The following SAMD5 variants were observed in gnomAD, a reference collection of about 807,000 sequenced individuals.
SAMD5 encodes sterile alpha motif domain containing 5, also known as sterile alpha motif domain-containing protein 5.
SAMD5 carries 13 observed loss-of-function variants against 11.3 expected under a neutral mutation model. The observed-to-expected ratio is 1.15, with a 90% confidence interval of 0.75 to 1.83. The LOEUF is 1.83. SAMD5 is among the 40% of genes most tolerant of loss of function. The pLI is 0.00. For synonymous variants in SAMD5, 129 were observed against 111.3 expected, an observed-to-expected ratio of 1.16 and a Z score of -1.00; for missense variants, 255 against 239.1, an observed-to-expected ratio of 1.07 and a Z score of -0.44.
intron 1 of SAMD5, among the ~76,000 whole-genome samples, chr6:147,605,807 G>A (rs963634669): frequency 6.6e-6 from 1 of 152,130 alleles, no homozygotes; most frequent in African/African-American, 2.4e-5. Context: ...TGTGTCTGAT[G>A]ATGGGCAGTG....
intron 1 of SAMD5, among the ~76,000 whole-genome samples, chr6:147,554,756 T>C (rs1204529207): frequency 6.6e-6 from 1 of 152,180 alleles, no homozygotes; most frequent in African/African-American, 2.4e-5. Flanking sequence ...AGCTATCATT[T>C]GAATGGGCAG....
At chr6:147,514,479 G>A (rs908916695) in intron 1 of SAMD5, among the ~76,000 whole-genome samples, 1 of 151,340 alleles carries the variant, frequency 6.6e-6, no homozygotes, top group Admixed American at 6.6e-5. Context: ...ATGATGGAAT[G>A]TATAGGATTC....
rs138462435 is a variant in SAMD5, at chr6:147,645,233, G to A, written c.163-92084G>A. On this transcript the variant is annotated intron_variant, in intron 1 of 1. Transcript: ENST00000566741. ...GCATGTGCAAGGAGGGATGACAATC[G>A]CCACTTGGGGGTCACTGGGCCTGAC... is the stretch of plus-strand genomic sequence containing the variant. Among the ~76,000 whole-genome samples the A allele has an allele frequency of 3.5e-3, 528 of 152,204 alleles. 3 individuals are homozygous for A. The highest frequency in any genetic ancestry group is 0.012 in the African/African-American group (491 of 41,524).
At chr6:147,581,716 G>A (rs956222829) in intron 1 of SAMD5, among the ~76,000 whole-genome samples, 2 of 152,140 alleles carry the variant, frequency 1.3e-5, no homozygotes, top group African/African-American at 2.4e-5. Flanking sequence ...CAGTGAGAAC[G>A]GTGTCAGAAC....
chr6:147,771,302 T>G, the SAMD5 span, among the ~76,000 whole-genome samples: 916 of 152,332 alleles, frequency 6.0e-3, 5 homozygotes, highest in Middle Eastern at 0.041. Flanking sequence ...GCAGTGGGTA[T>G]GCCTGTGATG....
chr6:147,824,592 T>TA, the SAMD5 span, among the ~76,000 whole-genome samples: 4,326 of 152,068 alleles, frequency 0.028, 70 homozygotes, highest in Middle Eastern at 0.051. Flanking sequence ...ATGGCTGGGG[T>TA]AAAAAAAGAG....
At chr6:147,595,355 G>A (rs2128447563) in intron 1 of SAMD5, among the ~76,000 whole-genome samples, 1 of 152,122 alleles carries the variant, frequency 6.6e-6, no homozygotes, top group Non-Finnish European at 1.5e-5. Context: ...CCATTAGTTT[G>A]AAACTTAGAA....
At chr6:147,867,536 A>G in the SAMD5 span, among the ~76,000 whole-genome samples, 9 of 152,126 alleles carry the variant, frequency 5.9e-5, no homozygotes, top group Non-Finnish European at 1.2e-4. Flanking sequence ...AAAAGAAAAA[A>G]AATTAAGTCT....
the SAMD5 span, among the ~76,000 whole-genome samples, chr6:147,760,663 C>A: frequency 6.6e-6 from 1 of 152,146 alleles, no homozygotes; most frequent in Admixed American, 6.5e-5. Context: ...GATTATTTTT[C>A]ACTCTTTACA....
chr6:147,631,710 T>A lies in SAMD5; in HGVS notation c.163-105607T>A, dbSNP rs149842049. Among the ~76,000 whole-genome samples the A allele has an allele frequency of 6.8e-4, 103 of 152,224 alleles. 1 individual carries two copies. Among genetic ancestry groups the A allele is most frequent in the African/African-American group, 2.3e-3 (94 of 41,540 alleles). On this transcript the variant is annotated intron_variant, in intron 1 of 1. Transcript: ENST00000566741. Reference sequence around the variant, plus strand: ...AGTGTCTACCCAGACCAAGAGGTATTTTAGTTTCCTGACTCAGGGCATGTG... The same window carrying A: ...AGTGTCTACCCAGACCAAGAGGTATATTAGTTTCCTGACTCAGGGCATGTG...
chr6:147,885,142 T>C, the SAMD5 span, among the ~76,000 whole-genome samples: 2 of 152,230 alleles, frequency 1.3e-5, no homozygotes, highest in African/African-American at 4.8e-5. Context: ...GTCTCTCAGA[T>C]GGATCCTAAG....
Position 147,565,314 on chromosome 6 carries a change from C to T in SAMD5, c.*858C>T. 1 of 985,838 alleles carries T rather than the reference C, an allele frequency of 1.0e-6. No homozygotes were observed. The highest frequency in any genetic ancestry group is 1.2e-6 in the Non-Finnish European group (1 of 829,950). The allele number at this position is 985,838 out of a possible 1,614,324, so 61.1% of individuals were successfully genotyped here. On this transcript the variant is annotated 3_prime_UTR_variant, in exon 2 of 2. Transcript: ENST00000367474. ...GCTTCTGACTTCAGGCCTGTGGGGG[C>T]CGGGAGGTGGGCAGCGGCAGTGGCC... is the stretch of plus-strand genomic sequence containing the variant.
Position 147,612,501 on chromosome 6 carries a change from C to T in SAMD5, c.162+103114C>T, listed in dbSNP as rs1789802226. Among the ~76,000 whole-genome samples, 3 of 152,326 alleles carry T rather than the reference C, an allele frequency of 2.0e-5. No homozygotes were observed. The South Asian group carries it at 6.2e-4, about 32-fold the overall frequency. ...ATCAAGTCTACACTTCATTACTTGGCACTGAAATCCTTAATCAGGCCCAAA... is the reference window on the plus strand; with the variant it reads ...ATCAAGTCTACACTTCATTACTTGGTACTGAAATCCTTAATCAGGCCCAAA... On this transcript the variant is annotated intron_variant, in intron 1 of 1. Transcript: ENST00000566741.
intron 1 of SAMD5, among the ~76,000 whole-genome samples, chr6:147,580,245 G>C (rs934323989): frequency 1.3e-5 from 2 of 152,194 alleles, no homozygotes; most frequent in African/African-American, 4.8e-5. Context: ...AAGAACCAGA[G>C]AATGTTAATG....
At chr6:147,828,419 C>T in the SAMD5 span, among the ~76,000 whole-genome samples, 1 of 152,098 alleles carries the variant, frequency 6.6e-6, no homozygotes, top group East Asian at 1.9e-4. Context: ...AGGGTGTTGC[C>T]AAAGGAGATT....
At chr6:147,510,580 C>G (rs1788073184) in intron 1 of SAMD5, among the ~76,000 whole-genome samples, 1 of 152,098 alleles carries the variant, frequency 6.6e-6, no homozygotes, top group African/African-American at 2.4e-5. Flanking sequence ...GGTAGTATTG[C>G]TGTAGAATCT....
chr6:147,668,488 A>G (rs1790752703), intron 1 of SAMD5, among the ~76,000 whole-genome samples: 1 of 152,234 alleles, frequency 6.6e-6, no homozygotes, highest in African/African-American at 2.4e-5. Context: ...ACAGACCACC[A>G]TAATAAAGTA....
chr6:147,741,525 C>T (rs565734013), downstream of SAMD5: 45 of 152,256 alleles, frequency 3.0e-4, no homozygotes, highest in African/African-American at 1.0e-3. Flanking sequence ...TGCGGATTAA[C>T]ATAAAAAGGC....
chr6:147,512,580 A>C (rs1788106730), intron 1 of SAMD5, among the ~76,000 whole-genome samples: 1 of 152,084 alleles, frequency 6.6e-6, no homozygotes, highest in Non-Finnish European at 1.5e-5. Context: ...TCCAAAGGGA[A>C]CTCTATAGCT....
Sources: allele counts gnomAD v4.1 joint callset (sites outside exome capture counted in the v4.1 genomes callset), GRCh38; gene constraint gnomAD v4.1.1; transcripts MANE v1.5; gene names NCBI Gene and HGNC (gene_info 2026-07-23, HGNC 2026-07-21).